The following COLEC10 variants were observed in gnomAD, a reference collection of about 807,000 sequenced individuals.
COLEC10 encodes collectin subfamily member 10, also known as collectin-10.
In COLEC10, 22 loss-of-function variants were observed where a neutral mutation model predicts 28.4. The ratio of observed to expected loss-of-function variants is 0.78; its 90% CI spans 0.55 to 1.11. The LOEUF is 1.11. Among genes scored for constraint, COLEC10 ranks in the 50% least tolerant of loss-of-function variants. COLEC10 has a pLI of 0.00. For missense variants in COLEC10, 361 were observed against 344.1 expected (o/e 1.05, Z -0.39); for synonymous variants, 125 against 116.1 (o/e 1.08, Z -0.49).
intron 1 of COLEC10, among the ~76,000 whole-genome samples, chr8:119,006,747 T>TA (rs397750942): frequency 2.0e-5 from 3 of 152,092 alleles, no homozygotes; most frequent in Non-Finnish European, 4.4e-5. Flanking sequence ...CATTTTTTTT[T>TA]ATCTCCATCA....
intron 2 of COLEC10, among the ~76,000 whole-genome samples, chr8:119,057,257 A>C (rs1034263848): frequency 5.3e-5 from 8 of 152,030 alleles, no homozygotes; most frequent in Admixed American, 4.6e-4. Context: ...CCTCCTTGTG[A>C]AGAAAGTACT....
At chr8:119,006,298 C>T (rs1274778996) in intron 1 of COLEC10, among the ~76,000 whole-genome samples, 1 of 152,058 alleles carries the variant, frequency 6.6e-6, no homozygotes, top group East Asian at 1.9e-4. Context: ...ATATCATAAA[C>T]TTCCACAAGC....
the COLEC10 span, among the ~76,000 whole-genome samples, chr8:118,968,937 G>A: frequency 6.6e-6 from 1 of 151,910 alleles, no homozygotes; most frequent in African/African-American, 2.4e-5. Context: ...TTCCCTCAAA[G>A]ATGTCCACAA....
At chr8:119,032,461 CAT>C (rs572683244) in intron 2 of COLEC10, among the ~76,000 whole-genome samples, 7 of 152,116 alleles carry the variant, frequency 4.6e-5, no homozygotes, top group Non-Finnish European at 1.0e-4. Flanking sequence ...TGGTTCAATT[CAT>C]ATATTCGTTA....
At chr8:119,010,031 C>T (rs985632691) in intron 2 of COLEC10, among the ~76,000 whole-genome samples, 1 of 150,762 alleles carries the variant, frequency 6.6e-6, no homozygotes, top group Admixed American at 6.6e-5. Flanking sequence ...TACCCAAAGT[C>T]CGTAGTTTAT....
chr8:119,057,678 GAGT>G (rs1814787834), intron 2 of COLEC10, among the ~76,000 whole-genome samples: 1 of 152,024 alleles, frequency 6.6e-6, no homozygotes. Context: ...GTTGTTGAAT[GAGT>G]AGATGAATAA....
At chr8:119,018,221 T>A (rs751150726) in intron 2 of COLEC10, among the ~76,000 whole-genome samples, 49 of 152,218 alleles carry the variant, frequency 3.2e-4, no homozygotes, top group Non-Finnish European at 6.6e-4. Flanking sequence ...GAAATTATTC[T>A]TTCGCCCCTA....
At chr8:118,966,215 G>A in the COLEC10 span, among the ~76,000 whole-genome samples, 1 of 152,112 alleles carries the variant, frequency 6.6e-6, no homozygotes, top group South Asian at 2.1e-4. Flanking sequence ...CTTACTGTTT[G>A]TTGATTATAC....
At chr8:119,021,395 C>T (rs185877159) in intron 2 of COLEC10, among the ~76,000 whole-genome samples, 1 of 152,254 alleles carries the variant, frequency 6.6e-6, no homozygotes, top group Admixed American at 6.5e-5. Context: ...AGATGAACTA[C>T]AGCAACAATT....
rs550758296 is a variant in COLEC10, at chr8:119,000,108, A to G, written n.122+4535A>G. On this transcript the variant is annotated intron_variant and non_coding_transcript_variant, in intron 1 of 6. Coordinates refer to the COLEC10 transcript ENST00000521788. Reference sequence around the variant, plus strand: ...GCAGCAGTGAAGGGGATGGTCTTACATGAGAGCAGGACACCTATTCCATTA... The same window carrying G: ...GCAGCAGTGAAGGGGATGGTCTTACGTGAGAGCAGGACACCTATTCCATTA... Among the ~76,000 whole-genome samples, 5 of 152,336 alleles carry G rather than the reference A, an allele frequency of 3.3e-5. No homozygotes were observed. The South Asian group carries it at 1.0e-3, about 32-fold the overall frequency.
the COLEC10 span, among the ~76,000 whole-genome samples, chr8:118,970,450 A>C: frequency 6.6e-6 from 1 of 151,900 alleles, no homozygotes; most frequent in Non-Finnish European, 1.5e-5. Flanking sequence ...AAAGATTAAA[A>C]CTGAATCCAG....
chr8:119,097,438 A>G lies in COLEC10; in HGVS notation c.293-4910A>G, dbSNP rs77756271. On this transcript the variant is annotated intron_variant, in intron 3 of 5. Coordinates refer to ENST00000332843, the MANE Select transcript of COLEC10 (RefSeq NM_006438.5). ...ATAGCTAATTATTATGAAAAAAAGC[A>G]CTTTCAAGGCACAATAATTCATTCA... 6.7e-3 allele frequency among the ~76,000 whole-genome samples: 1,023 copies of G among 152,202 alleles called. 26 individuals are homozygous for G. The highest frequency in any genetic ancestry group is 0.04 in the East Asian group (209 of 5,178).
At chr8:119,013,722 C>T (rs894945054) in intron 2 of COLEC10, among the ~76,000 whole-genome samples, 2 of 150,312 alleles carry the variant, frequency 1.3e-5, no homozygotes, top group Non-Finnish European at 3.0e-5. Flanking sequence ...TACGTAATGC[C>T]CCTCCTTTTT....
intron 2 of COLEC10, among the ~76,000 whole-genome samples, chr8:119,030,942 C>T (rs1367000368): frequency 2.6e-5 from 4 of 152,176 alleles, no homozygotes; most frequent in Non-Finnish European, 5.9e-5. Context: ...CATTATCTAA[C>T]AGTATCACAC....
the COLEC10 span, among the ~76,000 whole-genome samples, chr8:118,966,170 A>G: frequency 6.6e-6 from 1 of 152,142 alleles, no homozygotes; most frequent in Admixed American, 6.6e-5. Flanking sequence ...GGTCCCAAGA[A>G]TATGGAAAAA....
chr8:119,107,113 G>T lies in COLEC10; in HGVS notation c.*922G>T, dbSNP rs1040881307. Among the ~76,000 whole-genome samples, 26 of 152,306 alleles carry T rather than the reference G, an allele frequency of 1.7e-4. No individual in the cohort carries two copies. Among genetic ancestry groups the T allele is most frequent in the Non-Finnish European group, 2.6e-4 (18 of 68,014 alleles). ...GCATAGGGAATGAGGGAAGGAGTTT[G>T]TGAAGCCTTAAGAAAATTCTGGAAG... On this transcript the variant is annotated 3_prime_UTR_variant, in exon 6 of 6. Coordinates refer to ENST00000332843, the MANE Select transcript of COLEC10 (RefSeq NM_006438.5).
intron 2 of COLEC10, among the ~76,000 whole-genome samples, chr8:119,055,235 G>T (rs1413023004): frequency 1.3e-5 from 2 of 151,984 alleles, no homozygotes; most frequent in Admixed American, 6.6e-5. Context: ...TCACTGTTCA[G>T]TGTGTGGAAA....
At chr8:119,011,496 T>C (rs2130085818) in intron 2 of COLEC10, among the ~76,000 whole-genome samples, 1 of 150,666 alleles carries the variant, frequency 6.6e-6, no homozygotes, top group South Asian at 2.1e-4. Flanking sequence ...TATTTATTAA[T>C]ATCACAAAAT....
chr8:119,075,643 A>G (rs1427097448), intron 1 of COLEC10, among the ~76,000 whole-genome samples: 1 of 152,182 alleles, frequency 6.6e-6, no homozygotes, highest in Non-Finnish European at 1.5e-5. Context: ...CCATTATTCT[A>G]TTTAGGCTCA....
Sources: gnomAD v4.1 joint callset for allele counts (sites outside exome capture counted in the v4.1 genomes callset) on GRCh38, gnomAD v4.1.1 for gene constraint, MANE v1.5 for transcripts, NCBI Gene and HGNC (gene_info 2026-07-23, HGNC 2026-07-21) for gene names.